Variants in PLIN1 observed in about 807,000 individuals in gnomAD.
The protein encoded by PLIN1 is perilipin 1.
Under a neutral mutation model 45.8 loss-of-function variants are expected in PLIN1, and 37 were observed. The ratio of observed to expected loss-of-function variants is 0.81; its 90% CI spans 0.62 to 1.06. PLIN1 has a LOEUF of 1.06. PLIN1 is among the 50% of genes least tolerant of loss of function. The pLI is 0.00. For synonymous variants in PLIN1, 340 were observed against 309.2 expected (o/e 1.10, Z -1.05); for missense variants, 776 against 716.5 (o/e 1.08, Z -0.95).
intron 8 of PLIN1, 24 bp downstream of exon 8, chr15:89,666,912 C>A (rs1964349989): frequency 6.2e-7 from 1 of 1,613,326 alleles, no homozygotes; most frequent in Non-Finnish European, 8.5e-7. Flanking sequence ...GGGACACTAA[C>A]AGTTTGCCAG....
intron 6 of PLIN1, among the ~76,000 whole-genome samples, chr15:89,668,167 G>A (rs1347400613): frequency 3.3e-5 from 5 of 152,170 alleles, no homozygotes; most frequent in African/African-American, 1.2e-4. Flanking sequence ...CATGTAAGTG[G>A]AGTCACACCA....
chr15:89,670,338 G>T, intron 4 of PLIN1, 94 bp from the exon 5 acceptor site: 2 of 1,335,788 alleles, frequency 1.5e-6, no homozygotes, highest in Non-Finnish European at 2.1e-6. Context: ...CCAGCTCCCA[G>T]GAAGGCATCA....
Position 89,667,063 on chromosome 15 carries a change from G to T in PLIN1, c.1082C>A (p.Ala361Glu). Residue 361 changes from alanine (A) to glutamate (E), a missense_variant, in exon 8 of 9, where the codon GCA becomes GAA. Ala to Glu is a moderately radical substitution (Grantham distance 107, BLOSUM62 -1). Transcript: ENST00000300055. ...TWAPAAVLGMAGRVLHLTPAP... is the reference protein window; with the variant it reads ...TWAPAAVLGMEGRVLHLTPAP... ...TGGTGTGAGGTGCAGCACCCTCCCT[G>T]CCATGCCCAGCACAGCTGCAGGTGC... is the stretch of plus-strand genomic sequence containing the variant. The T allele has an allele frequency of 1.2e-6, 2 of 1,614,132 alleles. No individual in the cohort carries two copies.
Position 89,665,686 on chromosome 15 carries a change from C to CG in PLIN1, c.1465dup (p.Arg489ProfsTer77), listed in dbSNP as rs1862165664. 1 of 1,476,246 alleles carries CG rather than the reference C, an allele frequency of 6.8e-7. No homozygotes were observed. The highest frequency in any genetic ancestry group is 9.0e-7 in the Non-Finnish European group (1 of 1,117,046). The allele number at this position is 1,476,246 out of a possible 1,614,324, so 91.4% of individuals were successfully genotyped here. Reference sequence around the variant, plus strand: ...GCTGACCCTGCGCTTTGGCTTCTCGCGGGGCACGGCCGGGAAGCCCGGGCG... The same window carrying CG: ...GCTGACCCTGCGCTTTGGCTTCTCGCGGGGGCACGGCCGGGAAGCCCGGGCG... On this transcript the variant is annotated frameshift_variant, in exon 9 of 9. Coordinates refer to ENST00000300055, the MANE Select transcript of PLIN1 (RefSeq NM_002666.5). LOFTEE classifies it high-confidence loss of function.
At chr15:89,666,010 C>A in intron 8 of PLIN1, 68 bp from the exon 9 acceptor site, 1 of 1,197,612 alleles carries the variant, frequency 8.3e-7, no homozygotes. Flanking sequence ...ACCCACCGCC[C>A]CTTCCCGGGC....
In PLIN1 at chr15:89,665,826, G is replaced by T; in HGVS notation, c.1326C>A (p.Gly442=). Residue 442 remains glycine, a synonymous_variant, in exon 9 of 9, where the codon GGC becomes GGA. Coordinates refer to ENST00000300055, the MANE Select transcript of PLIN1 (RefSeq NM_002666.5). ...ERRASGAPSA[G]PEPAPRLAQP... ...GTGCGAGACGCGGGGCGGGCTCCGGGCCGGCGGACGGCGCCCCAGACGCTC... is the reference window on the plus strand; with the variant it reads ...GTGCGAGACGCGGGGCGGGCTCCGGTCCGGCGGACGGCGCCCCAGACGCTC... 7.1e-7 allele frequency: 1 copy of T among 1,413,970 alleles called. No homozygotes were observed. The highest frequency in any genetic ancestry group is 1.5e-5 in the African/African-American group (1 of 67,326). 87.6% of individuals were successfully genotyped at this position (1,413,970 alleles called of 1,614,324 possible). A position where few individuals can be genotyped will look rare whatever the true frequency, so the allele number is the denominator to read the frequency against.
Position 89,670,115 on chromosome 15 carries a change from C to G in PLIN1, c.463G>C (p.Gly155Arg). The G allele has an allele frequency of 1.2e-6, 2 of 1,614,218 alleles. No homozygotes were observed. The highest frequency in any genetic ancestry group is 1.7e-6 in the Non-Finnish European group (2 of 1,180,030). ...AALAGCELAW[G>R]VARDTAEFAA... is the part of the protein sequence containing the mutation. ...AATTCCGCAGTGTCTCTGGCCACCC[C>G]CCAGGCAAGCTCGCACCCGGCCAAA... Residue 155 changes from glycine (G) to arginine (R), a missense_variant, in exon 5 of 9, where the codon GGG (glycine) becomes CGG (arginine). Gly to Arg is a moderately radical substitution (Grantham distance 125). Transcript: ENST00000300055.
At chr15:89,667,419 G>A (rs1275738135) in intron 7 of PLIN1, among the ~76,000 whole-genome samples, 183 bp downstream of exon 7, 1 of 152,242 alleles carries the variant, frequency 6.6e-6, no homozygotes, top group Non-Finnish European at 1.5e-5. Context: ...TGTTGCAAGG[G>A]TCAGCTGAGA....
chr15:89,666,806 T>C lies in PLIN1; in HGVS notation c.1209+130A>G. The C allele has an allele frequency of 4.0e-6, 4 of 1,009,528 alleles. No individual in the cohort carries two copies. The Admixed American group carries it at 7.7e-5, about 19-fold the overall frequency. The allele number at this position is 1,009,528 out of a possible 1,614,324, so 62.5% of individuals were successfully genotyped here. A position where few individuals can be genotyped will look rare whatever the true frequency, so the allele number is the denominator to read the frequency against. ...AAAATGTTGCCAGGGCACTGAGGAC[T>C]GGAGTGGGGGGCGGTCTCCAGAGGA... is the stretch of plus-strand genomic sequence containing the variant. On this transcript the variant is annotated intron_variant, in intron 8 of 8. Coordinates refer to ENST00000300055, the MANE Select transcript of PLIN1 (RefSeq NM_002666.5).
chr15:89,670,099 G>T lies in PLIN1; in HGVS notation c.479C>A (p.Thr160Asn). 2 of 1,614,220 alleles carry T rather than the reference G, an allele frequency of 1.2e-6. No individual in the cohort carries two copies. The highest frequency in any genetic ancestry group is 1.7e-6 in the Non-Finnish European group (2 of 1,180,044). ...CELAWGVARDTAEFAANTRAG... is the reference protein window; with the variant it reads ...CELAWGVARDNAEFAANTRAG... ...TCGAGTGTTGGCAGCAAATTCCGCAGTGTCTCTGGCCACCCCCCAGGCAAG... is the reference window on the plus strand; with the variant it reads ...TCGAGTGTTGGCAGCAAATTCCGCATTGTCTCTGGCCACCCCCCAGGCAAG... The change falls in exon 5 of 9, where the codon ACT (threonine) becomes AAT (asparagine). Residue 160 changes from threonine (T) to asparagine (N), a missense_variant. Physicochemically the swap from Thr to Asn is moderately conservative, Grantham distance 65. Coordinates refer to ENST00000300055, the MANE Select transcript of PLIN1 (RefSeq NM_002666.5).
intron 6 of PLIN1, among the ~76,000 whole-genome samples, chr15:89,668,579 G>C (rs1441110651): frequency 6.6e-6 from 1 of 152,160 alleles, no homozygotes; most frequent in Non-Finnish European, 1.5e-5. Flanking sequence ...ATCTCCTGAG[G>C]CACATTCTAA....
intron 3 of PLIN1, 31 bp from the exon 4 acceptor site, chr15:89,671,595 C>A (rs1469714212): frequency 6.9e-7 from 1 of 1,459,724 alleles, no homozygotes; most frequent in Admixed American, 2.0e-5. Context: ...TTGGGTGAGC[C>A]CTGCCCCTCC....
chr15:89,669,586 G>C lies in PLIN1; in HGVS notation c.685C>G (p.Leu229Val), dbSNP rs1183136396. 6.2e-7 allele frequency: 1 copy of C among 1,613,898 alleles called. No individual in the cohort carries two copies. Among genetic ancestry groups the C allele is most frequent in the Non-Finnish European group, 8.5e-7 (1 of 1,179,936 alleles). Residue 229 changes from leucine (L) to valine (V), a missense_variant, in exon 6 of 9, where the codon CTC becomes GTC. Coordinates refer to ENST00000300055, the MANE Select transcript of PLIN1 (RefSeq NM_002666.5). ...ATGGTCTGCACGGTGTATCGAGAGA[G>C]GGTGTTGGTCAGAGCCCCAACCCTG... is the stretch of plus-strand genomic sequence containing the variant. ...LSRVGALTNT[L>V]SRYTVQTMAR...
At chr15:89,676,040 C>T (rs1162280167) in intron 2 of PLIN1, among the ~76,000 whole-genome samples, 1 of 93,846 alleles carries the variant, frequency 1.1e-5, no homozygotes, top group Non-Finnish European at 2.2e-5. Flanking sequence ...TTCTCCATAT[C>T]AAAAGTAAAA....
Position 89,665,636 on chromosome 15 carries a change from T to C in PLIN1, c.1516A>G (p.Met506Val). 6.6e-7 allele frequency: 1 copy of C among 1,510,646 alleles called. No homozygotes were observed. Among genetic ancestry groups the C allele is most frequent in the Non-Finnish European group, 8.8e-7 (1 of 1,131,672 alleles). 93.6% of individuals were successfully genotyped at this position (1,510,646 alleles called of 1,614,324 possible). The stretch of plus-strand genomic sequence containing the variant: ...TGCGTGCGGCCCAGGATGGGCTCCA[T>C]GACGCTGGGCCGGAAGAAGCTGTCG... ...VSDSFFRPSV[M>V]EPILGRTHYS... The change falls in exon 9 of 9, where the codon ATG (methionine) becomes GTG (valine). Residue 506 changes from methionine (M) to valine (V), a missense_variant. Coordinates refer to ENST00000300055, the MANE Select transcript of PLIN1 (RefSeq NM_002666.5).
At chr15:89,674,100 T>C (rs1964481901) in intron 2 of PLIN1, among the ~76,000 whole-genome samples, 1 of 152,198 alleles carries the variant, frequency 6.6e-6, no homozygotes, top group Non-Finnish European at 1.5e-5. Context: ...CATGGCACAG[T>C]AATATTAGCT....
chr15:89,672,731 C>G (rs1416921247), intron 3 of PLIN1, among the ~76,000 whole-genome samples: 1 of 152,206 alleles, frequency 6.6e-6, no homozygotes, highest in African/African-American at 2.4e-5. Flanking sequence ...GGCTCTCTGC[C>G]ACCCCCACCC....
At chr15:89,676,706 A>AC (rs1377724057) in intron 2 of PLIN1, 1 of 152,206 alleles carries the variant, frequency 6.6e-6, no homozygotes, top group Non-Finnish European at 1.5e-5. Flanking sequence ...AAGGGAATAA[A>AC]CCACCGTCTG....
In PLIN1 at chr15:89,669,498, A is replaced by AC. The variant is rs1964401016; in HGVS notation, c.771+1dup. 2 of 1,610,716 alleles carry AC rather than the reference A, an allele frequency of 1.2e-6. No individual in the cohort carries two copies. Among genetic ancestry groups the AC allele is most frequent in the South Asian group, 1.1e-5 (1 of 91,026 alleles). On this transcript the variant is annotated splice_donor_variant, in intron 6 of 8. Transcript: ENST00000300055. LOFTEE classifies it high-confidence loss of function. ...CAGTCAGAGCTCACGGCAGATACTTACCAGGGGCACCACGCCTGGGATCCA... is the reference window on the plus strand; with the variant it reads ...CAGTCAGAGCTCACGGCAGATACTTACCCAGGGGCACCACGCCTGGGATCCA...
Sources: gnomAD v4.1 joint callset for allele counts (sites outside exome capture counted in the v4.1 genomes callset) on GRCh38, gnomAD v4.1.1 for gene constraint, MANE v1.5 for transcripts, NCBI Gene and HGNC (gene_info 2026-07-23, HGNC 2026-07-21) for gene names.